Variants in TSPAN12 observed in about 807,000 individuals in gnomAD.
The protein encoded by TSPAN12 is tetraspanin 12.
Under a neutral mutation model 39.2 loss-of-function variants are expected in TSPAN12, and 19 were observed. That is an observed-to-expected ratio of 0.49 (90% CI 0.34 to 0.71). The LOEUF (loss-of-function observed/expected upper bound fraction) is 0.71, where lower values mean the gene tolerates loss of function less well. TSPAN12 is among the 30% of genes least tolerant of loss of function. The pLI, the probability that TSPAN12 is intolerant of heterozygous loss-of-function variation, is 0.01. For synonymous variants in TSPAN12, 119 were observed against 124.8 expected (o/e 0.95, Z 0.31); for missense variants, 314 against 359.9 (o/e 0.87, Z 1.03).
intron 7 of TSPAN12, among the ~76,000 whole-genome samples, chr7:120,803,790 A>T (rs1407877733): frequency 6.6e-6 from 1 of 152,200 alleles, no homozygotes; most frequent in African/African-American, 2.4e-5. Context: ...GCTTGTTTCA[A>T]TTTCAAAATT....
chr7:120,838,883 A>C lies in TSPAN12; in HGVS notation c.179T>G (p.Phe60Cys). ...RVEEAVILTY[F>C]PVVHPVMIAV... ...AATCATGACCGGATGAACCACAGGA[A>C]AGTAAGTCAAAATGACTGCTTCCTC... Residue 60 changes from phenylalanine (F) to cysteine (C), a missense_variant, in exon 4 of 8, where the codon TTT becomes TGT. Transcript: ENST00000222747. 6.2e-7 allele frequency: 1 copy of C among 1,614,046 alleles called. No homozygotes were observed. Among genetic ancestry groups the C allele is most frequent in the Non-Finnish European group, 8.5e-7 (1 of 1,179,954 alleles).
intron 4 of TSPAN12, among the ~76,000 whole-genome samples, chr7:120,824,446 A>C (rs1244646153): frequency 6.6e-6 from 1 of 152,060 alleles, no homozygotes; most frequent in Non-Finnish European, 1.5e-5. Context: ...ATTTCAAAAA[A>C]AAAACAAAAA....
chr7:120,849,527 A>G (rs190487283), intron 2 of TSPAN12, among the ~76,000 whole-genome samples: 8 of 152,292 alleles, frequency 5.3e-5, no homozygotes, highest in Non-Finnish European at 8.8e-5. Context: ...TGACACAAAT[A>G]ATTTCTGTTC....
rs2116268162 is a variant in TSPAN12, at chr7:120,787,532, AT to A, written c.*1059del. Reference sequence around the variant, plus strand: ...AATCTCTAAATTGTCACATGTTTTAATGATTCTCACAAGCATTTTTCTGGAG... The same window carrying A: ...AATCTCTAAATTGTCACATGTTTTAAGATTCTCACAAGCATTTTTCTGGAG... On this transcript the variant is annotated 3_prime_UTR_variant, in exon 8 of 8. Transcript: ENST00000222747. 1 of 152,726 alleles carries A rather than the reference AT, an allele frequency of 6.5e-6. No individual in the cohort carries two copies. The highest frequency in any genetic ancestry group is 1.5e-5 in the Non-Finnish European group (1 of 67,982). The allele number at this position is 152,726 out of a possible 1,614,324, so 9.5% of individuals were successfully genotyped here.
rs1793904409 is a variant in TSPAN12 at position 120,807,831 on chromosome 7, TA to T, written c.469-1140del. ...TTATAAATGACGAATTACTGAAAGC[TA>T]TGGGTAATACTGAAATTTTGAGAAA... On this transcript the variant is annotated intron_variant, in intron 6 of 7. Transcript: ENST00000222747. 3.3e-5 allele frequency among the ~76,000 whole-genome samples: 5 copies of T among 152,258 alleles called. No individual in the cohort carries two copies. The South Asian group carries it at 1.0e-3, about 31-fold the overall frequency.
intron 2 of TSPAN12, among the ~76,000 whole-genome samples, chr7:120,852,987 G>A (rs750142493): frequency 6.6e-6 from 1 of 152,128 alleles, no homozygotes; most frequent in Non-Finnish European, 1.5e-5. Context: ...ACTTGGTAAT[G>A]ATAGGATCTG....
In TSPAN12 at chr7:120,787,649, G is replaced by A. The variant is rs1255336514; in HGVS notation, c.*943C>T. 6.6e-6 allele frequency: 1 copy of A among 152,162 alleles called. No individual in the cohort carries two copies. Among genetic ancestry groups the A allele is most frequent in the Non-Finnish European group, 1.5e-5 (1 of 67,982 alleles). 9.4% of individuals were successfully genotyped at this position (152,162 alleles called of 1,614,324 possible). ...GGCAAAGATAAGCTTTTTAAAAAGT[G>A]TTTAGTGTCAAAAAGAGTCTTCATT... On this transcript the variant is annotated 3_prime_UTR_variant, in exon 8 of 8. Transcript: ENST00000222747.
chr7:120,834,306 T>C (rs1301634526), intron 4 of TSPAN12, among the ~76,000 whole-genome samples: 1 of 152,204 alleles, frequency 6.6e-6, no homozygotes, highest in Non-Finnish European at 1.5e-5. Context: ...TCTATTTTAT[T>C]TGGGAACCTT....
intron 4 of TSPAN12, among the ~76,000 whole-genome samples, chr7:120,826,017 C>T (rs1051331988): frequency 1.3e-5 from 2 of 152,140 alleles, no homozygotes; most frequent in Non-Finnish European, 2.9e-5. Flanking sequence ...CCCAAGCCCA[C>T]CAGTATCAAT....
At chr7:120,856,635 C>A (rs1794874845) in intron 2 of TSPAN12, 63 bp downstream of exon 2, 1 of 1,529,552 alleles carries the variant, frequency 6.5e-7, no homozygotes, top group East Asian at 2.3e-5. Context: ...GGCGCATTAT[C>A]CGGTGGCTGC....
chr7:120,826,516 T>G (rs1794289896), intron 4 of TSPAN12, among the ~76,000 whole-genome samples: 1 of 152,282 alleles, frequency 6.6e-6, no homozygotes, highest in African/African-American at 2.4e-5. Flanking sequence ...TTCCTAAGAA[T>G]GTGAGACAGG....
intron 7 of TSPAN12, among the ~76,000 whole-genome samples, chr7:120,790,841 C>T (rs989939192): frequency 1.3e-5 from 2 of 152,186 alleles, no homozygotes; most frequent in Admixed American, 1.3e-4. Context: ...CTTCATTTAA[C>T]ATCATTACCA....
intron 2 of TSPAN12, among the ~76,000 whole-genome samples, chr7:120,847,722 C>T (rs981794319): frequency 7.2e-5 from 11 of 152,196 alleles, no homozygotes; most frequent in African/African-American, 2.4e-4. Context: ...TCCTCTTTTG[C>T]TATCCAACTA....
chr7:120,799,564 AATT>A (rs1255813234), intron 7 of TSPAN12, among the ~76,000 whole-genome samples: 29 of 112,124 alleles, frequency 2.6e-4, no homozygotes, highest in Non-Finnish European at 4.8e-4. Flanking sequence ...AATTAAATAT[AATT>A]ATTTATATAA....
chr7:120,844,668 G>A (rs1794638934), intron 2 of TSPAN12, among the ~76,000 whole-genome samples: 1 of 152,200 alleles, frequency 6.6e-6, no homozygotes, highest in Non-Finnish European at 1.5e-5. Context: ...GCAAGGGGTG[G>A]GCCCCCAAGG....
intron 7 of TSPAN12, among the ~76,000 whole-genome samples, chr7:120,790,945 C>T (rs994216007): frequency 2.6e-5 from 4 of 151,960 alleles, no homozygotes; most frequent in African/African-American, 7.3e-5. Context: ...CCTATGTGCT[C>T]GGTACTTAGT....
intron 4 of TSPAN12, among the ~76,000 whole-genome samples, chr7:120,837,792 T>G (rs925413827): frequency 3.6e-4 from 55 of 152,258 alleles, no homozygotes; most frequent in African/African-American, 1.3e-3. Context: ...CAAGCACGAG[T>G]GTGTGGGAGC....
In TSPAN12 at chr7:120,806,530, T is replaced by TA. The variant is rs1303370989; in HGVS notation, c.612+18dup. ...AAGAAAACATTTATCCATAATAAAT[T>TA]AACCATATATGGCCTCACCTCTTGA... On this transcript the variant is annotated intron_variant, in intron 7 of 7. Transcript: ENST00000222747. 5.0e-6 allele frequency: 8 copies of TA among 1,612,094 alleles called. No homozygotes were observed. The highest frequency in any genetic ancestry group is 5.9e-6 in the Non-Finnish European group (7 of 1,178,644).
At chr7:120,834,626 T>G (rs1483685849) in intron 4 of TSPAN12, among the ~76,000 whole-genome samples, 3 of 152,202 alleles carry the variant, frequency 2.0e-5, no homozygotes, top group Non-Finnish European at 4.4e-5. Context: ...GGCAGCTCTC[T>G]GAGATACCAA....
Sources: gnomAD v4.1 joint callset for allele counts (sites outside exome capture counted in the v4.1 genomes callset) on GRCh38, gnomAD v4.1.1 for gene constraint, MANE v1.5 for transcripts, NCBI Gene and HGNC (gene_info 2026-07-23, HGNC 2026-07-21) for gene names.